The following NINL variants were observed in gnomAD, a reference collection of about 807,000 sequenced individuals.
NINL encodes ninein-like protein.
A neutral mutation model predicts 160.3 loss-of-function variants in NINL; 153 were observed. That is an observed-to-expected ratio of 0.95 (90% CI 0.84 to 1.09). The LOEUF is 1.09. Ranked by LOEUF, NINL falls within the 50% of genes least tolerant of loss-of-function variation. The probability of loss-of-function intolerance (pLI) is 0.00; values close to 1 mark genes in which losing one functional copy is unlikely to be tolerated. For missense variants in NINL, 1,829 were observed against 1,764.0 expected (o/e 1.04, Z -0.66); for synonymous variants, 800 against 734.8 (o/e 1.09, Z -1.43).
At chr20:25,548,014 C>T (rs1042940048) in intron 1 of NINL, among the ~76,000 whole-genome samples, 1 of 152,232 alleles carries the variant, frequency 6.6e-6, no homozygotes, top group Non-Finnish European at 1.5e-5. Flanking sequence ...AATGAGGTAA[C>T]ACTGCACACT....
intron 10 of NINL, among the ~76,000 whole-genome samples, chr20:25,491,873 G>A (rs1021588585): frequency 7.2e-5 from 11 of 152,274 alleles, no homozygotes; most frequent in African/African-American, 2.2e-4. Flanking sequence ...AAAGACTTTC[G>A]ATACCAAATG....
intron 1 of NINL, among the ~76,000 whole-genome samples, chr20:25,547,566 G>A (rs1346344803): frequency 6.6e-6 from 1 of 152,162 alleles, no homozygotes; most frequent in Non-Finnish European, 1.5e-5. Flanking sequence ...GTAGAACTGG[G>A]TTAAATTCTA....
rs142389509 is a variant in NINL at position 25,475,689 on chromosome 20, G to A, written c.3248+354C>T. On this transcript the variant is annotated intron_variant, in intron 17 of 23. Coordinates refer to ENST00000278886, the MANE Select transcript of NINL (RefSeq NM_025176.6). ...AGCCTGGCTAACATGGTGAAACCCC[G>A]TCTCTACTAAAAATACAAAAATTAG... 1.4e-3 allele frequency among the ~76,000 whole-genome samples: 213 copies of A among 152,264 alleles called. 1 individual carries two copies. Among genetic ancestry groups the A allele is most frequent in the African/African-American group, 4.7e-3 (197 of 41,566 alleles).
At chr20:25,529,879 G>A (rs1420693733) in intron 1 of NINL, among the ~76,000 whole-genome samples, 1 of 152,108 alleles carries the variant, frequency 6.6e-6, no homozygotes, top group East Asian at 1.9e-4. Context: ...AGAAAGACAA[G>A]TGGTAAAATT....
At chr20:25,542,880 A>G (rs369504096) in intron 1 of NINL, among the ~76,000 whole-genome samples, 27 of 151,564 alleles carry the variant, frequency 1.8e-4, no homozygotes, top group African/African-American at 5.6e-4. Flanking sequence ...TAAAAACACA[A>G]AAATTAGCCA....
At position 25,495,269 on chromosome 20, in the gene NINL, C is replaced by T. The variant is rs575059585; in HGVS notation, c.1310+1394G>A. ...GTGCAGCTGGCACAATTCCAACATG[C>T]GATGTGGCCAGCAGCCAGGCTCCCA... On this transcript the variant is annotated intron_variant, in intron 10 of 23. Coordinates refer to ENST00000278886, the MANE Select transcript of NINL (RefSeq NM_025176.6). 4.6e-5 allele frequency among the ~76,000 whole-genome samples: 7 copies of T among 152,302 alleles called. No homozygotes were observed. In the South Asian group the frequency reaches 1.0e-3, roughly 23 times the overall value.
chr20:25,490,437 G>T (rs988550389), intron 11 of NINL, among the ~76,000 whole-genome samples: 1 of 152,114 alleles, frequency 6.6e-6, no homozygotes, highest in Non-Finnish European at 1.5e-5. Context: ...GCGGGAGCCT[G>T]TAGTTCCAGC....
intron 5 of NINL, among the ~76,000 whole-genome samples, chr20:25,507,455 T>C (rs1010727036): frequency 2.6e-5 from 4 of 152,146 alleles, no homozygotes; most frequent in Non-Finnish European, 5.9e-5. Flanking sequence ...GCAGAAAGTG[T>C]CCATGGTGAG....
Position 25,453,613 on chromosome 20 carries a change from C to A in NINL, c.3987G>T (p.Leu1329=). ...QFEKNTKSDL[L]LKELYVENAH... ...CGTTCTCCACGTACAGCTCCTTCAG[C>A]AGCAGGTCGGACTTCGTGTTCTTTT... Residue 1329 remains leucine (L), a synonymous_variant, in exon 24 of 24, where the codon CTG becomes CTT. Coordinates refer to ENST00000278886, the MANE Select transcript of NINL (RefSeq NM_025176.6). 6.2e-7 allele frequency: 1 copy of A among 1,610,736 alleles called. No individual in the cohort carries two copies. Among genetic ancestry groups the A allele is most frequent in the Non-Finnish European group, 8.5e-7 (1 of 1,178,440 alleles).
At chr20:25,491,548 C>G (rs755438045) in intron 10 of NINL, 23 bp from the exon 11 acceptor site, 7 of 1,606,980 alleles carry the variant, frequency 4.4e-6, no homozygotes, top group Non-Finnish European at 6.0e-6. Context: ...ACACATCACA[C>G]GTCAGACATG....
At chr20:25,525,816 G>C (rs937517177) in intron 2 of NINL, among the ~76,000 whole-genome samples, 2 of 152,132 alleles carry the variant, frequency 1.3e-5, no homozygotes, top group African/African-American at 4.8e-5. Flanking sequence ...CATGAAAGCA[G>C]GTTGCAGTCT....
rs1046748717 is a variant in NINL at position 25,477,070 on chromosome 20, G to A, written c.2221C>T (p.Leu741=). Reference sequence around the variant, plus strand: ...CCCAGCCCCGACAGCTCTCCACTCAGCTCCGCCTCAGCCTCTCTCCTGTGG... The same window carrying A: ...CCCAGCCCCGACAGCTCTCCACTCAACTCCGCCTCAGCCTCTCTCCTGTGG... ...QQIRREAEAE[L]SGELSGLGAL... Residue 741 remains leucine, a synonymous_variant, in exon 17 of 24, where the codon CTG becomes TTG. Transcript: ENST00000278886. 2.4e-5 allele frequency: 38 copies of A among 1,596,372 alleles called. No homozygotes were observed. Among genetic ancestry groups the A allele is most frequent in the Non-Finnish European group, 3.0e-5 (35 of 1,178,856 alleles).
intron 21 of NINL, among the ~76,000 whole-genome samples, chr20:25,460,211 A>G (rs962998384): frequency 1.8e-4 from 27 of 152,302 alleles, no homozygotes; most frequent in South Asian, 1.4e-3. Context: ...CATCAGCTTC[A>G]GGCCCAGCCT....
At chr20:25,503,831 C>T in intron 7 of NINL, 121 bp downstream of exon 7, 2 of 1,191,720 alleles carry the variant, frequency 1.7e-6, no homozygotes, top group Non-Finnish European at 2.5e-6. Context: ...TGTGCATGGC[C>T]TGTCCAGTTC....
intron 1 of NINL, among the ~76,000 whole-genome samples, chr20:25,575,446 C>CAAA (rs1167252309): frequency 2.3e-5 from 1 of 43,762 alleles, no homozygotes; most frequent in Non-Finnish European, 4.7e-5. Context: ...GACTCCGTCT[C>CAAA]AAAAAAAAAA....
chr20:25,527,832 T>C (rs1254541571), intron 1 of NINL, among the ~76,000 whole-genome samples: 1 of 152,140 alleles, frequency 6.6e-6, no homozygotes. Flanking sequence ...CTTAAAATAT[T>C]AACTGGCCTA....
At chr20:25,489,160 A>G (rs1035542239) in intron 13 of NINL, 84 bp downstream of exon 13, 7 of 1,261,266 alleles carry the variant, frequency 5.5e-6, no homozygotes, top group Non-Finnish European at 8.1e-6. Context: ...TGGAGCAGAC[A>G]CTCCTGCGTT....
At chr20:25,529,169 G>GAGGCTGAGGCAGGAGGAT (rs2064407579) in intron 1 of NINL, among the ~76,000 whole-genome samples, 1 of 152,142 alleles carries the variant, frequency 6.6e-6, no homozygotes, top group Non-Finnish European at 1.5e-5. Flanking sequence ...AGATTCTCAG[G>GAGGCTGAGGCAGGAGGAT]AGGCTGAGGC....
chr20:25,491,620 C>A, intron 10 of NINL, 95 bp from the exon 11 acceptor site: 2 of 1,453,082 alleles, frequency 1.4e-6, no homozygotes, highest in East Asian at 2.3e-5. Context: ...CTTAGAAACG[C>A]CCCTGTCCTC....
Sources: allele counts gnomAD v4.1 joint callset (sites outside exome capture counted in the v4.1 genomes callset), GRCh38; gene constraint gnomAD v4.1.1; transcripts MANE v1.5; gene names NCBI Gene and HGNC (gene_info 2026-07-23, HGNC 2026-07-21).